PLCG2: variants seen among roughly 807,000 people sequenced by gnomAD.
The protein encoded by PLCG2 is 1-phosphatidylinositol 4,5-bisphosphate phosphodiesterase gamma-2.
In PLCG2, 69 loss-of-function variants were observed where a neutral mutation model predicts 175.6. The observed-to-expected ratio is 0.39, with a 90% CI of 0.32 to 0.48. The LOEUF (loss-of-function observed/expected upper bound fraction) is 0.48, where lower values mean the gene tolerates loss of function less well. Among genes scored for constraint, PLCG2 ranks in the 20% least tolerant of loss-of-function variants. The pLI is 0.91. For missense variants in PLCG2, 1,798 were observed against 1,650.9 expected (o/e 1.09, Z -1.54); for synonymous variants, 827 against 624.0 (o/e 1.33, Z -4.85).
At chr16:81,759,238 T>C (rs1909990518) in intron 2 of PLCG2, among the ~76,000 whole-genome samples, 1 of 152,218 alleles carries the variant, frequency 6.6e-6, no homozygotes, top group African/African-American at 2.4e-5. Context: ...TTTCCTATTC[T>C]GTAGGCTCCA....
intron 24 of PLCG2, 61 bp from the exon 25 acceptor site, chr16:81,931,436 G>C: frequency 6.5e-7 from 1 of 1,544,262 alleles, no homozygotes; most frequent in African/African-American, 1.4e-5. Context: ...GCAGGGTGCA[G>C]TCTGGTCTTT....
intron 5 of PLCG2, among the ~76,000 whole-genome samples, chr16:81,862,409 C>G (rs561562623): frequency 1.6e-4 from 25 of 152,204 alleles, no homozygotes; most frequent in Non-Finnish European, 3.1e-4. Context: ...TCTTGGCTGA[C>G]GGTTGAGCTA....
chr16:81,812,151 G>A (rs889566342), intron 2 of PLCG2, among the ~76,000 whole-genome samples: 3 of 146,430 alleles, frequency 2.0e-5, no homozygotes, highest in Non-Finnish European at 4.5e-5. Flanking sequence ...CTGGGTTCAC[G>A]CCATTCTCCT....
At chr16:81,923,666 G>T (rs939429864) in intron 22 of PLCG2, 72 bp downstream of exon 22, 2 of 907,014 alleles carry the variant, frequency 2.2e-6, no homozygotes, top group Non-Finnish European at 3.5e-6. Flanking sequence ...TAAGACTCAG[G>T]TGCTGGCCAA....
intron 2 of PLCG2, among the ~76,000 whole-genome samples, chr16:81,772,037 C>T (rs1198915144): frequency 6.6e-6 from 1 of 152,114 alleles, no homozygotes; most frequent in Non-Finnish European, 1.5e-5. Context: ...CCCACTTCGG[C>T]TTCCCAAAGT....
chr16:81,758,245 T>G (rs1431445297), intron 2 of PLCG2, among the ~76,000 whole-genome samples: 1 of 152,246 alleles, frequency 6.6e-6, no homozygotes, highest in Non-Finnish European at 1.5e-5. Flanking sequence ...CCCAAAGTGC[T>G]GGGATTAGAG....
intron 2 of PLCG2, among the ~76,000 whole-genome samples, chr16:81,828,088 C>G (rs1168939935): frequency 3.8e-5 from 4 of 106,122 alleles, no homozygotes; most frequent in African/African-American, 1.6e-4. Context: ...AAAACTCCGT[C>G]TCAAAAAAAA....
At chr16:81,910,844 A>G (rs1301943141) in intron 18 of PLCG2, 124 bp downstream of exon 18, 8 of 885,288 alleles carry the variant, frequency 9.0e-6, no homozygotes, top group Non-Finnish European at 1.4e-5. Flanking sequence ...GCCCACCGGC[A>G]TCTCAAAATT....
chr16:81,762,884 C>A (rs935617506), intron 2 of PLCG2, among the ~76,000 whole-genome samples: 1 of 152,104 alleles, frequency 6.6e-6, no homozygotes, highest in Non-Finnish European at 1.5e-5. Flanking sequence ...ATAGTGAAAC[C>A]TCACCTCTAC....
rs116282799 is a variant in PLCG2, at chr16:81,927,066, C to T, written c.2418-16C>T. On this transcript the variant is annotated splice_polypyrimidine_tract_variant and intron_variant, in intron 22 of 32. Coordinates refer to ENST00000564138, the MANE Select transcript of PLCG2 (RefSeq NM_002661.5). The stretch of plus-strand genomic sequence containing the variant: ...CACCTGGTGACAGCGCCCCCATGTC[C>T]TCTCTTCTTATCCAGGTGGAAAGGA... 2,944 of 1,574,140 alleles carry T rather than the reference C, an allele frequency of 1.9e-3. 43 individuals are homozygous for T. The African/African-American group carries it at 0.036, about 19-fold the overall frequency.
intron 2 of PLCG2, among the ~76,000 whole-genome samples, chr16:81,794,208 G>A (rs117637926): frequency 1.3e-5 from 2 of 152,090 alleles, no homozygotes; most frequent in Non-Finnish European, 2.9e-5. Context: ...TGGGGACAAG[G>A]GTGCCGAAGT....
At chr16:81,840,959 C>T (rs1905792862) in intron 2 of PLCG2, among the ~76,000 whole-genome samples, 2 of 152,314 alleles carry the variant, frequency 1.3e-5, no homozygotes, top group Admixed American at 6.5e-5. Context: ...GGGAGAGAAG[C>T]ACCAGTTTCC....
Position 81,908,562 on chromosome 16 carries a change from C to T in PLCG2, c.1704C>T (p.Thr568=). 1.2e-6 allele frequency: 2 copies of T among 1,612,144 alleles called. No individual in the cohort carries two copies. Among genetic ancestry groups the T allele is most frequent in the Non-Finnish European group, 1.7e-6 (2 of 1,179,626 alleles). ...CCTTCCTGGTTCGGGAGAGCGAGAC[C>T]TTCCCCAATGACTACACCCTGTCCT... ...DGTFLVRESE[T]FPNDYTLSFW... The change falls in exon 17 of 33, where the codon ACC becomes ACT. Residue 568 remains threonine (T), a synonymous_variant. Coordinates refer to ENST00000564138, the MANE Select transcript of PLCG2 (RefSeq NM_002661.5).
chr16:81,751,141 C>G (rs761314716), intron 1 of PLCG2, among the ~76,000 whole-genome samples: 7 of 151,792 alleles, frequency 4.6e-5, no homozygotes, highest in Admixed American at 3.3e-4. Flanking sequence ...CCACCATGCC[C>G]AGCTAATTTT....
intron 9 of PLCG2, among the ~76,000 whole-genome samples, chr16:81,885,052 A>AG: frequency 3.6e-5 from 3 of 82,678 alleles, no homozygotes; most frequent in Non-Finnish European, 5.2e-5. Context: ...CATGCCTGAC[A>AG]ATTTTTTTTT....
rs536535795 is a variant in PLCG2 at position 81,897,677 on chromosome 16, C to G, written c.1193+1750C>G. Among the ~76,000 whole-genome samples the G allele has an allele frequency of 2.0e-5, 3 of 151,848 alleles. No homozygotes were observed. In the East Asian group the frequency reaches 5.8e-4, roughly 30 times the overall value. ...TCCCCTGTCTCAGCCTCCCGAGTAG[C>G]TGGGATTATAGGCATCCACCATCAT... On this transcript the variant is annotated intron_variant, in intron 13 of 32. Transcript: ENST00000564138.
chr16:81,750,663 A>AT lies in PLCG2; in HGVS notation c.-144-5185dup, dbSNP rs543220131. ...TTAAAAAGCAGAATGGGGACTGGAG[A>AT]TTTTTTTTTTTTTTTTTTTTTTGAG... On this transcript the variant is annotated intron_variant, in intron 1 of 5. Coordinates refer to the PLCG2 transcript ENST00000565054. 8.9e-4 allele frequency among the ~76,000 whole-genome samples: 61 copies of AT among 68,462 alleles called. 8 individuals carry two copies. The highest frequency in any genetic ancestry group is 2.1e-3 in the South Asian group (3 of 1,432). 44.9% of individuals were successfully genotyped at this position (68,462 alleles called of 152,430 possible). A position where few individuals can be genotyped will look rare whatever the true frequency, so the allele number is the denominator to read the frequency against.
intron 13 of PLCG2, among the ~76,000 whole-genome samples, chr16:81,896,425 C>A (rs1017293781): frequency 1.7e-5 from 2 of 121,062 alleles, no homozygotes; most frequent in South Asian, 5.5e-4. Context: ...CACACACACA[C>A]AAATCATCTG....
chr16:81,864,594 C>T lies in PLCG2; in HGVS notation c.480-4620C>T, dbSNP rs184705898. Among the ~76,000 whole-genome samples, 211 of 152,312 alleles carry T rather than the reference C, an allele frequency of 1.4e-3. 2 individuals are homozygous for T. The highest frequency in any genetic ancestry group is 4.8e-3 in the African/African-American group (198 of 41,550). On this transcript the variant is annotated intron_variant, in intron 5 of 32. Transcript: ENST00000564138. ...AAAGATAAAATAATAGTTCCCGCCTCCCAGGGCAGATGTGAGGCTTCAGGA... is the reference window on the plus strand; with the variant it reads ...AAAGATAAAATAATAGTTCCCGCCTTCCAGGGCAGATGTGAGGCTTCAGGA...
Sources: allele counts gnomAD v4.1 joint callset (sites outside exome capture counted in the v4.1 genomes callset), GRCh38; gene constraint gnomAD v4.1.1; transcripts MANE v1.5; gene names NCBI Gene and HGNC (gene_info 2026-07-23, HGNC 2026-07-21).